The following STK31 variants were observed in gnomAD, a reference collection of about 807,000 sequenced individuals.
STK31 encodes serine/threonine kinase 31, also known as serine/threonine-protein kinase 31.
Under a neutral mutation model 129.7 loss-of-function variants are expected in STK31, and 89 were observed. The ratio of observed to expected loss-of-function variants is 0.69; its 90% confidence interval spans 0.58 to 0.82. The LOEUF is 0.82. STK31 is among the 40% of genes least tolerant of loss of function. STK31 has a pLI of 0.00. For missense variants in STK31, 1,187 were observed against 1,176.4 expected (o/e 1.01, Z -0.13); for synonymous variants, 448 against 395.3 (o/e 1.13, Z -1.58).
chr7:23,823,751 A>G lies in STK31; in HGVS notation c.2830-8385A>G, dbSNP rs186932186. Among the ~76,000 whole-genome samples, 16 of 152,152 alleles carry G rather than the reference A, an allele frequency of 1.1e-4. No homozygotes were observed. The East Asian group carries it at 2.5e-3, about 24-fold the overall frequency. On this transcript the variant is annotated intron_variant, in intron 23 of 23. Transcript: ENST00000355870. ...TTTAGGTCTAACATGTAAGTCTTTA[A>G]TCCATCTTGAATTAATTTTTGTATA...
intron 15 of STK31, among the ~76,000 whole-genome samples, chr7:23,779,878 G>T (rs79744904): frequency 6.6e-6 from 1 of 152,176 alleles, no homozygotes; most frequent in Non-Finnish European, 1.5e-5. Flanking sequence ...AGGTGCAAGG[G>T]GGGTATGAAT....
At chr7:23,740,265 G>A (rs1787977557) in intron 8 of STK31, among the ~76,000 whole-genome samples, 1 of 152,240 alleles carries the variant, frequency 6.6e-6, no homozygotes, top group African/African-American at 2.4e-5. Flanking sequence ...AAACACATTT[G>A]ACATGTTTTA....
Position 23,769,621 on chromosome 7 carries a change from G to T in STK31, c.1597-19G>T, listed in dbSNP as rs758797802. The T allele has an allele frequency of 6.6e-7, 1 of 1,508,352 alleles. No individual in the cohort carries two copies. The highest frequency in any genetic ancestry group is 9.2e-7 in the Non-Finnish European group (1 of 1,088,150). 93.4% of individuals were successfully genotyped at this position (1,508,352 alleles called of 1,614,324 possible). A position where few individuals can be genotyped will look rare whatever the true frequency, so the allele number is the denominator to read the frequency against. On this transcript the variant is annotated intron_variant, in intron 12 of 23. Transcript: ENST00000355870. ...TTGAATTAAATGAGATATTTCATGT[G>T]TTTATTTTTGCAAATGAGGTTTTTG...
intron 22 of STK31, among the ~76,000 whole-genome samples, chr7:23,808,438 C>T (rs1001183563): frequency 6.6e-6 from 1 of 152,040 alleles, no homozygotes; most frequent in Non-Finnish European, 1.5e-5. Context: ...CTTGTTGCTA[C>T]CTGGTGAGAG....
intron 16 of STK31, 39 bp from the exon 17 acceptor site, chr7:23,783,544 A>T: frequency 6.9e-7 from 1 of 1,454,832 alleles, no homozygotes; most frequent in Non-Finnish European, 9.5e-7. Context: ...TTGAATATAT[A>T]TTGATCTACA....
At chr7:23,797,031 T>A (rs1230376281) in intron 22 of STK31, among the ~76,000 whole-genome samples, 1 of 151,944 alleles carries the variant, frequency 6.6e-6, no homozygotes, top group Non-Finnish European at 1.5e-5. Flanking sequence ...CATTACATAA[T>A]GGAAAAGGGA....
intron 8 of STK31, among the ~76,000 whole-genome samples, chr7:23,738,626 G>A (rs1356982141): frequency 6.6e-6 from 1 of 151,472 alleles, no homozygotes; most frequent in Non-Finnish European, 1.5e-5. Flanking sequence ...GCATGATCTC[G>A]GCTCACTGCA....
chr7:23,774,352 G>C (rs569189479), intron 15 of STK31, among the ~76,000 whole-genome samples: 51 of 152,240 alleles, frequency 3.3e-4, no homozygotes, highest in Non-Finnish European at 5.7e-4. Flanking sequence ...TTGAGGAATT[G>C]CCACACTGTC....
chr7:23,763,803 A>G (rs892324413), intron 11 of STK31, among the ~76,000 whole-genome samples: 5 of 148,016 alleles, frequency 3.4e-5, no homozygotes, highest in Middle Eastern at 3.4e-3. Context: ...TTCATTTTCA[A>G]ATGTTTTCAT....
chr7:23,805,171 G>T (rs765844432), intron 22 of STK31, among the ~76,000 whole-genome samples: 2 of 151,806 alleles, frequency 1.3e-5, no homozygotes, highest in Non-Finnish European at 2.9e-5. Flanking sequence ...TGCCTCCTAG[G>T]TTCAAGCGAT....
chr7:23,741,932 A>T (rs1788077358), intron 8 of STK31, among the ~76,000 whole-genome samples: 1 of 152,224 alleles, frequency 6.6e-6, no homozygotes, highest in Non-Finnish European at 1.5e-5. Context: ...ACAGCTCAGA[A>T]TTAAACTCTC....
intron 22 of STK31, chr7:23,811,569 C>G (rs1003632230): frequency 4.9e-6 from 1 of 205,454 alleles, no homozygotes; most frequent in South Asian, 1.0e-4. Flanking sequence ...TTCCTCTCCC[C>G]CTCCAGGCAC....
intron 23 of STK31, among the ~76,000 whole-genome samples, chr7:23,828,412 C>G (rs565393847): frequency 6.6e-6 from 1 of 152,372 alleles, no homozygotes; most frequent in African/African-American, 2.4e-5. Context: ...GATATAATCT[C>G]CTGGTGTGCC....
At chr7:23,746,505 T>C (rs760281473) in intron 8 of STK31, among the ~76,000 whole-genome samples, 21 of 152,236 alleles carry the variant, frequency 1.4e-4, no homozygotes, top group Non-Finnish European at 2.6e-4. Flanking sequence ...TTGGCTCTTT[T>C]CTCAGAGGGA....
rs1584325275 is a variant in STK31 at position 23,721,474 on chromosome 7, G to C, written c.249+3895G>C. On this transcript the variant is annotated intron_variant, in intron 4 of 23. Transcript: ENST00000355870. ...CTTCCATTTTTTCATCCTCCTCTCTGTCCAGAGGCTGAGGAATAAGCTGAT... is the reference window on the plus strand; with the variant it reads ...CTTCCATTTTTTCATCCTCCTCTCTCTCCAGAGGCTGAGGAATAAGCTGAT... 3.8e-6 allele frequency: 4 copies of C among 1,063,782 alleles called. No individual in the cohort carries two copies. In the Admixed American group the frequency reaches 7.3e-5, roughly 19 times the overall value. The allele number at this position is 1,063,782 out of a possible 1,614,324, so 65.9% of individuals were successfully genotyped here. A position where few individuals can be genotyped will look rare whatever the true frequency, so the allele number is the denominator to read the frequency against.
intron 8 of STK31, among the ~76,000 whole-genome samples, chr7:23,742,560 A>G (rs564829758): frequency 6.6e-6 from 1 of 152,288 alleles, no homozygotes; most frequent in East Asian, 1.9e-4. Context: ...TAGTGGATCG[A>G]GGGTTTCTCC....
chr7:23,718,229 TTAAG>T (rs1786468458), intron 4 of STK31, among the ~76,000 whole-genome samples: 1 of 152,160 alleles, frequency 6.6e-6, no homozygotes, highest in East Asian at 1.9e-4. Context: ...GTATTAAGCA[TTAAG>T]TAAGTATGCA....
chr7:23,794,888 A>G (rs1272665534), intron 22 of STK31, among the ~76,000 whole-genome samples: 3 of 152,202 alleles, frequency 2.0e-5, no homozygotes, highest in African/African-American at 7.2e-5. Flanking sequence ...TGCTTTTAAA[A>G]GCATTGTTTT....
At chr7:23,824,789 T>G (rs1445732939) in intron 23 of STK31, among the ~76,000 whole-genome samples, 1 of 151,644 alleles carries the variant, frequency 6.6e-6, no homozygotes, top group East Asian at 1.9e-4. Flanking sequence ...CCTAATTTAT[T>G]GAGAGTCTTT....
Sources: gnomAD v4.1 joint callset for allele counts (sites outside exome capture counted in the v4.1 genomes callset) on GRCh38, gnomAD v4.1.1 for gene constraint, MANE v1.5 for transcripts, NCBI Gene and HGNC (gene_info 2026-07-23, HGNC 2026-07-21) for gene names.